Variants in ZNF366 observed in about 807,000 individuals in gnomAD.
ZNF366 encodes zinc finger protein 366.
Under a neutral mutation model 47.2 loss-of-function variants are expected in ZNF366, and 20 were observed. The observed-to-expected ratio is 0.42, with a 90% confidence interval of 0.30 to 0.62. ZNF366 has a LOEUF of 0.62. Ranked by LOEUF, ZNF366 falls within the 20% of genes least tolerant of loss-of-function variation. The pLI, the probability that ZNF366 is intolerant of heterozygous loss-of-function variation, is 0.16. For missense variants in ZNF366, 987 were observed against 976.3 expected, an observed-to-expected ratio of 1.01 and a Z score of -0.15; for synonymous variants, 421 against 395.1, an observed-to-expected ratio of 1.07 and a Z score of -0.78.
intron 1 of ZNF366, among the ~76,000 whole-genome samples, chr5:72,478,251 C>T (rs1435774873): frequency 6.9e-6 from 1 of 145,982 alleles, no homozygotes; most frequent in Non-Finnish European, 1.5e-5. Flanking sequence ...TCACCCATTT[C>T]TTCAGTGTCT....
chr5:72,446,131 T>A (rs1742952845), intron 4 of ZNF366, among the ~76,000 whole-genome samples: 1 of 152,240 alleles, frequency 6.6e-6, no homozygotes, highest in African/African-American at 2.4e-5. Flanking sequence ...GAGCACTGGC[T>A]TGATTCAGAA....
chr5:72,489,413 G>A (rs377089019), intron 1 of ZNF366, among the ~76,000 whole-genome samples: 20 of 152,026 alleles, frequency 1.3e-4, no homozygotes, highest in East Asian at 7.7e-4. Context: ...TTTTAAAGCC[G>A]GGAGATTTAG....
At position 72,447,256 on chromosome 5, in the gene ZNF366, G is replaced by GC. The variant is rs1401415659; in HGVS notation, c.1685dup (p.Leu563ProfsTer30). ...AAGAGTGATTACCTTGGGAATGAAG[G>GC]CCCCGCTCCATGACTCCATGCTTGA... On this transcript the variant is annotated frameshift_variant, in exon 4 of 5. Coordinates refer to ENST00000318442, the MANE Select transcript of ZNF366 (RefSeq NM_152625.3). LOFTEE classifies it low-confidence loss of function (END_TRUNC). 1 of 1,614,008 alleles carries GC rather than the reference G, an allele frequency of 6.2e-7. No individual in the cohort carries two copies. The highest frequency in any genetic ancestry group is 8.5e-7 in the Non-Finnish European group (1 of 1,180,032).
chr5:72,502,647 T>C (rs1392932639), intron 1 of ZNF366, among the ~76,000 whole-genome samples: 3 of 152,148 alleles, frequency 2.0e-5, no homozygotes, highest in African/African-American at 4.8e-5. Context: ...GGGACAAGGA[T>C]CTAACTTGTA....
In ZNF366 at chr5:72,460,782, C is replaced by T. The variant is rs374146709; in HGVS notation, c.715G>A (p.Asp239Asn). 4 of 1,614,180 alleles carry T rather than the reference C, an allele frequency of 2.5e-6. No individual in the cohort carries two copies. The highest frequency in any genetic ancestry group is 2.2e-5 in the East Asian group (1 of 44,860). ...CCCACGTCCACGTAGTAGCTGTCAT[C>T]GATCTGCACGTTCACGTCCACCCTC... ...VERVDVNVQI[D>N]DSYYVDVGGS... The change falls in exon 2 of 5, where the codon GAT becomes AAT. Residue 239 changes from aspartate (D) to asparagine (N), a missense_variant. Physicochemically the swap from Asp to Asn is conservative, Grantham distance 23 (BLOSUM62 1). This residue lies in a region of ZNF366 where 591 missense variants were observed against 560.9 expected (regional missense o/e 1.05). Transcript: ENST00000318442.
chr5:72,445,487 T>C (rs1179167844), intron 4 of ZNF366, among the ~76,000 whole-genome samples: 1 of 152,196 alleles, frequency 6.6e-6, no homozygotes, highest in Non-Finnish European at 1.5e-5. Context: ...TTTTTAATGA[T>C]TTTTGAGCCA....
At position 72,461,520 on chromosome 5, in the gene ZNF366, G is replaced by T; in HGVS notation, c.-14-10C>A. 1 of 1,522,450 alleles carries T rather than the reference G, an allele frequency of 6.6e-7. No homozygotes were observed. 94.3% of individuals were successfully genotyped at this position (1,522,450 alleles called of 1,614,324 possible). ...ATCCTTGGCAATTTTCCTTTAAAGAGAAAGAAACTTGTGTGTTTTGGTTTG... is the reference window on the plus strand; with the variant it reads ...ATCCTTGGCAATTTTCCTTTAAAGATAAAGAAACTTGTGTGTTTTGGTTTG... On this transcript the variant is annotated splice_polypyrimidine_tract_variant and intron_variant, in intron 1 of 4. Coordinates refer to ENST00000318442, the MANE Select transcript of ZNF366 (RefSeq NM_152625.3).
At chr5:72,451,376 C>G (rs148922097) in intron 3 of ZNF366, among the ~76,000 whole-genome samples, 1 of 152,292 alleles carries the variant, frequency 6.6e-6, no homozygotes, top group East Asian at 1.9e-4. Context: ...GCCCTTTAAA[C>G]GTGGGTTGCA....
intron 2 of ZNF366, among the ~76,000 whole-genome samples, chr5:72,456,810 C>A (rs1489868083): frequency 6.6e-6 from 1 of 152,066 alleles, no homozygotes; most frequent in African/African-American, 2.4e-5. Context: ...AAACCATAAA[C>A]TAGCCAGACT....
chr5:72,472,777 T>A (rs1181982855), intron 1 of ZNF366, among the ~76,000 whole-genome samples: 1 of 152,292 alleles, frequency 6.6e-6, no homozygotes, highest in East Asian at 1.9e-4. Context: ...ATTTTGGCAA[T>A]GTAAAGTCCT....
intron 1 of ZNF366, among the ~76,000 whole-genome samples, chr5:72,505,367 T>C (rs1744299539): frequency 6.6e-6 from 1 of 152,220 alleles, no homozygotes; most frequent in East Asian, 1.9e-4. Context: ...TTCACAGCAA[T>C]GACTTAACAA....
chr5:72,440,996 A>T lies in ZNF366; in HGVS notation c.*2760T>A, dbSNP rs1431286457. The T allele has an allele frequency of 1.3e-5, 2 of 152,198 alleles. No individual in the cohort carries two copies. The highest frequency in any genetic ancestry group is 2.4e-5 in the African/African-American group (1 of 41,440). The allele number at this position is 152,198 out of a possible 1,614,324, so 9.4% of individuals were successfully genotyped here. A position where few individuals can be genotyped will look rare whatever the true frequency, so the allele number is the denominator to read the frequency against. On this transcript the variant is annotated 3_prime_UTR_variant, in exon 5 of 5. Transcript: ENST00000318442. ...CTTAGAATGCTAATGTATAAATCAG[A>T]TGGAACTTGAGCTGCTTGGAGTGAG...
intron 1 of ZNF366, among the ~76,000 whole-genome samples, chr5:72,475,419 G>A (rs1167725872): frequency 6.6e-6 from 1 of 152,170 alleles, no homozygotes; most frequent in East Asian, 1.9e-4. Context: ...TAGGACCATA[G>A]ATTTTCTAAG....
chr5:72,460,259 A>C lies in ZNF366; in HGVS notation c.1238T>G (p.Met413Arg), dbSNP rs1487585284. 2 of 1,614,030 alleles carry C rather than the reference A, an allele frequency of 1.2e-6. No homozygotes were observed. Among genetic ancestry groups the C allele is most frequent in the South Asian group, 1.1e-5 (1 of 91,088 alleles). The change falls in exon 2 of 5, where the codon ATG (methionine) becomes AGG (arginine). Residue 413 changes from methionine (M) to arginine (R), a missense_variant. Physicochemically the swap from Met to Arg is moderately conservative, Grantham distance 91 (BLOSUM62 -1). This residue lies in a region of ZNF366 where 591 missense variants were observed against 560.9 expected (regional missense o/e 1.05). Transcript: ENST00000318442. ...GTAGGGCCGGATGTCCTTGTGCTTC[A>C]TCATGTGGTTCTGCAGCTGGCTCGG... ...QYPSQLQNHM[M>R]KHKDIRPYIC...
chr5:72,460,905 A>T lies in ZNF366; in HGVS notation c.592T>A (p.Phe198Ile). The T allele has an allele frequency of 6.2e-7, 1 of 1,612,852 alleles. No homozygotes were observed. ...TTGGGCAGGAAGGTGTGCCGGCTGA[A>T]GGGGAAGGGCGAGGACGAGGGCACG... ...FFVPSSSPFPFSRHTFLPKQP... is the reference protein window; with the variant it reads ...FFVPSSSPFPISRHTFLPKQP... Residue 198 changes from phenylalanine (F) to isoleucine (I), a missense_variant, in exon 2 of 5, where the codon TTC (phenylalanine) becomes ATC (isoleucine). Around this residue, in one of 3 missense-constraint regions of ZNF366, gnomAD observed 591 missense variants for 560.9 expected, o/e 1.05. Coordinates refer to ENST00000318442, the MANE Select transcript of ZNF366 (RefSeq NM_152625.3).
intron 2 of ZNF366, 89 bp downstream of exon 2, chr5:72,460,076 G>A: frequency 6.7e-7 from 1 of 1,502,138 alleles, no homozygotes; most frequent in Non-Finnish European, 8.9e-7. Flanking sequence ...GGTGCAGAGC[G>A]GCACAGGCGT....
At position 72,502,930 on chromosome 5, in the gene ZNF366, T is replaced by A. The variant is rs185829353; in HGVS notation, c.-15+4321A>T. On this transcript the variant is annotated intron_variant, in intron 1 of 4. Transcript: ENST00000318442. Reference sequence around the variant, plus strand: ...CTTGAGGTCAGGAGTTCGAGACCAGTGTGACCAACATGGTGAATCCCCATC... The same window carrying A: ...CTTGAGGTCAGGAGTTCGAGACCAGAGTGACCAACATGGTGAATCCCCATC... Among the ~76,000 whole-genome samples, 145 of 152,168 alleles carry A rather than the reference T, an allele frequency of 9.5e-4. No homozygotes were observed. The Middle Eastern group carries it at 0.014, about 14-fold the overall frequency.
intron 1 of ZNF366, among the ~76,000 whole-genome samples, chr5:72,499,230 G>T (rs142860177): frequency 2.6e-5 from 4 of 152,340 alleles, no homozygotes; most frequent in African/African-American, 9.6e-5. Flanking sequence ...ACAGGTGATT[G>T]TGCCATGAAA....
chr5:72,468,511 A>G (rs1743481215), intron 1 of ZNF366, among the ~76,000 whole-genome samples: 1 of 152,238 alleles, frequency 6.6e-6, no homozygotes, highest in Non-Finnish European at 1.5e-5. Context: ...CAACCAAGAC[A>G]TAATATAAAG....
Sources: allele counts gnomAD v4.1 joint callset (sites outside exome capture counted in the v4.1 genomes callset), GRCh38; gene constraint gnomAD v4.1.1; regional missense constraint gnomAD v4.1.1; transcripts MANE v1.5; gene names NCBI Gene and HGNC (gene_info 2026-07-23, HGNC 2026-07-21).